Variants in AHRR observed in about 807,000 individuals in gnomAD.
AHRR encodes aryl hydrocarbon receptor repressor.
Under a neutral mutation model 44.0 loss-of-function variants are expected in AHRR, and 28 were observed. The ratio of observed to expected loss-of-function variants is 0.64; its 90% CI spans 0.47 to 0.87. The LOEUF (loss-of-function observed/expected upper bound fraction) is 0.87, where lower values mean the gene tolerates loss of function less well. AHRR is among the 40% of genes least tolerant of loss of function. AHRR has a pLI of 0.00. For missense variants in AHRR, 990 were observed against 953.9 expected, an observed-to-expected ratio of 1.04 and a Z score of -0.50; for synonymous variants, 434 against 407.0, an observed-to-expected ratio of 1.07 and a Z score of -0.80.
rs867172134 is a variant in AHRR, at chr5:387,760, C to T, written c.351+11044C>T. 5.9e-5 allele frequency among the ~76,000 whole-genome samples: 9 copies of T among 152,212 alleles called. No individual in the cohort carries two copies. Among genetic ancestry groups the T allele is most frequent in the African/African-American group, 2.2e-4 (9 of 41,442 alleles). ...ATACGCTGTACCTGCCGGAACTTGGCGACACCATGTCAGCTTCCTGGGGCA... is the reference window on the plus strand; with the variant it reads ...ATACGCTGTACCTGCCGGAACTTGGTGACACCATGTCAGCTTCCTGGGGCA... On this transcript the variant is annotated intron_variant, in intron 4 of 10. Transcript: ENST00000684583. This position sits in a 1 kb window ranked among gnomAD's most constrained non-coding sequence, Gnocchi z 5.1.
At chr5:355,359 C>T (rs74485962) in intron 3 of AHRR, among the ~76,000 whole-genome samples, 4,771 of 152,304 alleles carry the variant, frequency 0.031, 109 homozygotes, top group Admixed American at 0.05. Context: ...TTCTGGGACA[C>T]GCCTTTCATG....
At position 388,204 on chromosome 5, in the gene AHRR, G is replaced by A. The variant is rs1381855107; in HGVS notation, c.351+11488G>A. Among the ~76,000 whole-genome samples the A allele has an allele frequency of 2.6e-5, 4 of 152,164 alleles. No individual in the cohort carries two copies. The highest frequency in any genetic ancestry group is 6.5e-5 in the Admixed American group (1 of 15,278). On this transcript the variant is annotated intron_variant, in intron 4 of 10. Transcript: ENST00000684583. The surrounding 1 kb of genome is among the most constrained non-coding windows in gnomAD (Gnocchi z 5.2). ...ACTGTGCTTACCTCACAGCTCTATCGTACCAGACAGGGGAAAGCTCAGGTT... is the reference window on the plus strand; with the variant it reads ...ACTGTGCTTACCTCACAGCTCTATCATACCAGACAGGGGAAAGCTCAGGTT...
At position 435,139 on chromosome 5, in the gene AHRR, G is replaced by T; in HGVS notation, c.*305G>T. The T allele has an allele frequency of 2.7e-6, 1 of 368,494 alleles. No homozygotes were observed. Among genetic ancestry groups the T allele is most frequent in the East Asian group, 5.0e-5 (1 of 19,842 alleles). The allele number at this position is 368,494 out of a possible 1,614,324, so 22.8% of individuals were successfully genotyped here. On this transcript the variant is annotated 3_prime_UTR_variant, in exon 11 of 11. Transcript: ENST00000684583. ...TGGCTGGACAGCTTCATGCCCCAGA[G>T]GCAGCGAGCACCCGTCCCATGGCTG...
At chr5:345,759 T>C (rs1742650580) in intron 2 of AHRR, among the ~76,000 whole-genome samples, 1 of 152,028 alleles carries the variant, frequency 6.6e-6, no homozygotes, top group African/African-American at 2.4e-5. Context: ...GGCCTTAGTG[T>C]GTGGCCGTGG....
At chr5:361,825 T>C (rs1743195512) in intron 3 of AHRR, among the ~76,000 whole-genome samples, 1 of 152,232 alleles carries the variant, frequency 6.6e-6, no homozygotes, top group Non-Finnish European at 1.5e-5. Context: ...GGAGAAATTG[T>C]ACCTTGAGTC....
intron 3 of AHRR, 55 bp from the exon 4 acceptor site, chr5:376,555 A>ACCGT: frequency 7.0e-7 from 1 of 1,428,922 alleles, no homozygotes; most frequent in South Asian, 1.4e-5. Context: ...TGAATGAAGA[A>ACCGT]GAGTGGCCAG....
chr5:392,676 G>C (rs1335110726), intron 4 of AHRR, among the ~76,000 whole-genome samples: 1 of 151,130 alleles, frequency 6.6e-6, no homozygotes, highest in Non-Finnish European at 1.5e-5. Context: ...AAGTGATGTG[G>C]CGGGAAGGCT....
At chr5:420,988 C>T (rs1736080957) in intron 5 of AHRR, 3 of 366,566 alleles carry the variant, frequency 8.2e-6, no homozygotes, top group East Asian at 1.1e-4. Context: ...AAAATATACA[C>T]GATGGTTCTT....
chr5:385,125 T>C (rs1734119323), intron 4 of AHRR, among the ~76,000 whole-genome samples: 1 of 152,070 alleles, frequency 6.6e-6, no homozygotes, highest in South Asian at 2.1e-4. Flanking sequence ...CAAAACTCTC[T>C]TTAGCACTTC....
chr5:351,817 A>G (rs1020356852), intron 2 of AHRR, among the ~76,000 whole-genome samples: 2 of 152,262 alleles, frequency 1.3e-5, no homozygotes, highest in African/African-American at 4.8e-5. Flanking sequence ...AGGTTGTTAG[A>G]CAGTGAGAAA....
At chr5:398,332 G>A (rs935262216) in intron 4 of AHRR, among the ~76,000 whole-genome samples, 7 of 151,806 alleles carry the variant, frequency 4.6e-5, no homozygotes, top group Non-Finnish European at 5.9e-5. Context: ...GACATTCCGC[G>A]TTAGCCCCAA....
chr5:369,890 G>T (rs1285142113), intron 3 of AHRR, among the ~76,000 whole-genome samples: 1 of 152,274 alleles, frequency 6.6e-6, no homozygotes, highest in African/African-American at 2.4e-5. Flanking sequence ...GGAAGGAAGG[G>T]AGAGTTTGAA....
chr5:347,082 C>G (rs1742705182), intron 2 of AHRR, among the ~76,000 whole-genome samples: 1 of 152,244 alleles, frequency 6.6e-6, no homozygotes, highest in Admixed American at 6.5e-5. Flanking sequence ...ATCAGTTCCT[C>G]CTCCCCACGC....
intron 4 of AHRR, among the ~76,000 whole-genome samples, chr5:382,021 A>G (rs889720967): frequency 6.6e-6 from 1 of 152,204 alleles, no homozygotes; most frequent in Non-Finnish European, 1.5e-5. Context: ...CTAACCTTGC[A>G]TTCTTAAGAT....
chr5:345,591 G>T (rs74203624), intron 2 of AHRR, among the ~76,000 whole-genome samples: 2 of 138,736 alleles, frequency 1.4e-5, no homozygotes, highest in African/African-American at 2.7e-5. Context: ...GGTGTGTGGG[G>T]GTGTGTCTGT....
chr5:402,439 C>T (rs1006785416), intron 4 of AHRR, among the ~76,000 whole-genome samples: 7 of 129,048 alleles, frequency 5.4e-5, no homozygotes, highest in South Asian at 5.2e-4. Flanking sequence ...AGGGGACCCT[C>T]GTGCACTGTT....
At chr5:413,718 G>GCTAGGTCCCCTGCCC (rs1221622785) in intron 5 of AHRR, among the ~76,000 whole-genome samples, 19 of 152,158 alleles carry the variant, frequency 1.2e-4, no homozygotes, top group African/African-American at 4.6e-4. Flanking sequence ...CAGGCACTCC[G>GCTAGGTCCCCTGCCC]CTAGGTCCCC....
intron 8 of AHRR, among the ~76,000 whole-genome samples, chr5:428,385 G>C (rs1736568260): frequency 6.6e-6 from 1 of 152,268 alleles, no homozygotes; most frequent in Non-Finnish European, 1.5e-5. Flanking sequence ...AGTGGAGGTA[G>C]TTCCCGGCTG....
At chr5:429,684 A>G (rs951780924) in intron 8 of AHRR, among the ~76,000 whole-genome samples, 2 of 152,112 alleles carry the variant, frequency 1.3e-5, no homozygotes, top group African/African-American at 2.4e-5. Context: ...TGGCCTCCCC[A>G]CTCTGTGGGT....
Sources: gnomAD v4.1 joint callset for allele counts (sites outside exome capture counted in the v4.1 genomes callset) on GRCh38, gnomAD v4.1.1 for gene constraint, Gnocchi (gnomAD v3.1) non-coding constraint, MANE v1.5 for transcripts, NCBI Gene and HGNC (gene_info 2026-07-23, HGNC 2026-07-21) for gene names.